Variants in SLC35F1 observed in about 807,000 individuals in gnomAD.
SLC35F1 encodes the protein chromosome 6 open reading frame 169.
SLC35F1 carries 14 observed loss-of-function variants against 48.7 expected under a neutral mutation model. The ratio of observed to expected loss-of-function variants is 0.29; its 90% CI spans 0.19 to 0.45. The LOEUF is 0.45. SLC35F1 is among the 20% of genes least tolerant of loss of function. SLC35F1 has a pLI of 1.00. For synonymous variants in SLC35F1, 190 were observed against 202.2 expected, an observed-to-expected ratio of 0.94 and a Z score of 0.51; for missense variants, 404 against 500.0, an observed-to-expected ratio of 0.81 and a Z score of 1.83.
chr6:118,233,233 G>T (rs1329794279), intron 2 of SLC35F1, among the ~76,000 whole-genome samples: 1 of 152,198 alleles, frequency 6.6e-6, no homozygotes, highest in Admixed American at 6.5e-5. Flanking sequence ...CCAAAGTGCT[G>T]GGATTACAGG....
chr6:118,152,186 C>T (rs144987987), intron 1 of SLC35F1, among the ~76,000 whole-genome samples: 101 of 152,218 alleles, frequency 6.6e-4, no homozygotes, highest in African/African-American at 2.1e-3. Flanking sequence ...CTGGCAAAGG[C>T]GCAATGAACT....
intron 1 of SLC35F1, among the ~76,000 whole-genome samples, chr6:117,962,170 G>A (rs78640760): frequency 0.02 from 3,010 of 152,280 alleles, 40 homozygotes; most frequent in Non-Finnish European, 0.032. Flanking sequence ...TCCATTGCCA[G>A]ACTAAGATAT....
chr6:117,980,895 CT>C (rs1776768109), intron 1 of SLC35F1, among the ~76,000 whole-genome samples: 1 of 152,050 alleles, frequency 6.6e-6, no homozygotes, highest in African/African-American at 2.4e-5. Context: ...TAGAGTTATC[CT>C]GTGGCAACAG....
At chr6:118,208,818 C>T (rs904075874) in intron 2 of SLC35F1, among the ~76,000 whole-genome samples, 4 of 152,118 alleles carry the variant, frequency 2.6e-5, no homozygotes, top group Admixed American at 1.3e-4. Context: ...GATTGGAAGG[C>T]TTCAGAAGCA....
At chr6:118,306,193 T>A (rs1776309542) in intron 7 of SLC35F1, among the ~76,000 whole-genome samples, 1 of 136,148 alleles carries the variant, frequency 7.3e-6, no homozygotes, top group Non-Finnish European at 1.7e-5. Context: ...AGCCTTAACT[T>A]TCAGTGCATG....
intron 4 of SLC35F1, among the ~76,000 whole-genome samples, chr6:118,268,188 C>A (rs1399053484): frequency 6.6e-6 from 1 of 152,180 alleles, no homozygotes; most frequent in Non-Finnish European, 1.5e-5. Context: ...CCATCCAAAC[C>A]AAGTGAGTTG....
chr6:118,263,093 G>A (rs895505520), intron 3 of SLC35F1, among the ~76,000 whole-genome samples: 1 of 152,152 alleles, frequency 6.6e-6, no homozygotes, highest in Admixed American at 6.5e-5. Flanking sequence ...ATCTCACTCT[G>A]TTGCCCAGGA....
At chr6:118,283,551 T>A (rs1776010616) in intron 6 of SLC35F1, among the ~76,000 whole-genome samples, 1 of 152,134 alleles carries the variant, frequency 6.6e-6, no homozygotes, top group Non-Finnish European at 1.5e-5. Context: ...AACCCAGTCA[T>A]GGTATTTAAA....
At chr6:117,924,913 C>T (rs988793916) in intron 1 of SLC35F1, among the ~76,000 whole-genome samples, 4 of 152,070 alleles carry the variant, frequency 2.6e-5, no homozygotes, top group African/African-American at 9.7e-5. Context: ...GCTGACTCAA[C>T]ATAAGCATGT....
chr6:117,935,696 G>A (rs973586419), intron 1 of SLC35F1, among the ~76,000 whole-genome samples: 1 of 152,164 alleles, frequency 6.6e-6, no homozygotes, highest in Admixed American at 6.5e-5. Context: ...GCACAAAAAT[G>A]TGAAACATAG....
intron 2 of SLC35F1, among the ~76,000 whole-genome samples, chr6:118,203,243 A>G (rs1774893338): frequency 6.6e-6 from 1 of 152,220 alleles, no homozygotes; most frequent in Non-Finnish European, 1.5e-5. Context: ...TCTGAGGTTC[A>G]TAGGGCTCTG....
At chr6:118,157,998 T>A (rs1222890876) in intron 2 of SLC35F1, among the ~76,000 whole-genome samples, 1 of 152,132 alleles carries the variant, frequency 6.6e-6, no homozygotes, top group African/African-American at 2.4e-5. Flanking sequence ...GGAAAGAGGC[T>A]AAGGACTAGG....
intron 1 of SLC35F1, among the ~76,000 whole-genome samples, chr6:118,069,997 G>A (rs926566769): frequency 8.0e-4 from 121 of 151,288 alleles, no homozygotes; most frequent in African/African-American, 2.9e-3. Flanking sequence ...TTAGCCGGGC[G>A]CGGTGGCGGG....
At chr6:118,023,367 G>T (rs145113566) in intron 1 of SLC35F1, among the ~76,000 whole-genome samples, 2 of 152,256 alleles carry the variant, frequency 1.3e-5, no homozygotes, top group African/African-American at 4.8e-5. Context: ...GTGTGGCCCT[G>T]TGTGGCTCCA....
chr6:117,996,292 A>C (rs1019063087), intron 1 of SLC35F1, among the ~76,000 whole-genome samples: 5 of 152,228 alleles, frequency 3.3e-5, no homozygotes, highest in African/African-American at 1.2e-4. Flanking sequence ...AAACTTGCAC[A>C]ATTGTGCTAA....
At chr6:117,997,145 G>A (rs4559111) in intron 1 of SLC35F1, among the ~76,000 whole-genome samples, 54,631 of 151,404 alleles carry the variant, frequency 0.36, 10,487 homozygotes, top group South Asian at 0.51. Context: ...CTCAGCAGCT[G>A]ATGCGATCAA....
At chr6:118,092,926 G>T (rs540333302) in intron 1 of SLC35F1, among the ~76,000 whole-genome samples, 1 of 152,286 alleles carries the variant, frequency 6.6e-6, no homozygotes, top group Non-Finnish European at 1.5e-5. Flanking sequence ...GAAAGGACTT[G>T]CCTTGTCTCA....
intron 1 of SLC35F1, among the ~76,000 whole-genome samples, chr6:118,069,468 CTGGAATA>C (rs1181807447): frequency 6.6e-6 from 1 of 151,994 alleles, no homozygotes; most frequent in East Asian, 1.9e-4. Context: ...GCTCTTTCTC[CTGGAATA>C]TGTCTAAGAT....
intron 1 of SLC35F1, among the ~76,000 whole-genome samples, chr6:117,978,447 G>A (rs1276606631): frequency 6.6e-6 from 1 of 152,078 alleles, no homozygotes; most frequent in Non-Finnish European, 1.5e-5. Flanking sequence ...CACCAACACC[G>A]TGTCCCTCCC....
Sources: gnomAD v4.1 joint callset for allele counts (sites outside exome capture counted in the v4.1 genomes callset) on GRCh38, gnomAD v4.1.1 for gene constraint, MANE v1.5 for transcripts, NCBI Gene and HGNC (gene_info 2026-07-23, HGNC 2026-07-21) for gene names.